The following SGCZ variants were observed in gnomAD, a reference collection of about 807,000 sequenced individuals.
The protein encoded by SGCZ is zeta-sarcoglycan.
In SGCZ, 40 loss-of-function variants were observed where a neutral mutation model predicts 41.3. The observed-to-expected ratio is 0.97, with a 90% confidence interval of 0.75 to 1.26. The LOEUF is 1.26. Among genes scored for constraint, SGCZ ranks in the 50% most tolerant of loss-of-function variants. SGCZ has a pLI of 0.00. For missense variants in SGCZ, 552 were observed against 369.8 expected (o/e 1.49, Z -4.04); for synonymous variants, 206 against 137.5 (o/e 1.50, Z -3.49).
chr8:14,262,366 G>C (rs13270554), intron 3 of SGCZ, among the ~76,000 whole-genome samples: 37,951 of 151,948 alleles, frequency 0.25, 6,062 homozygotes, highest in Non-Finnish European at 0.36. Context: ...CTGTGACAAT[G>C]TGAAGGCTTA....
chr8:15,129,707 C>CCAAA (rs568205903), intron 1 of SGCZ, among the ~76,000 whole-genome samples: 1 of 107,886 alleles, frequency 9.3e-6, no homozygotes, highest in Admixed American at 1.0e-4. Flanking sequence ...GAAGCATTTG[C>CCAAA]AAAAAAAAAA....
chr8:14,360,380 C>T (rs1021298330), intron 2 of SGCZ, among the ~76,000 whole-genome samples: 1 of 151,654 alleles, frequency 6.6e-6, no homozygotes, highest in African/African-American at 2.4e-5. Flanking sequence ...ATCACCCAGA[C>T]TGGAGCATGA....
At chr8:14,647,856 T>C (rs749323445) in intron 1 of SGCZ, among the ~76,000 whole-genome samples, 14 of 152,202 alleles carry the variant, frequency 9.2e-5, no homozygotes, top group South Asian at 4.1e-4. Flanking sequence ...GTTGAAGTTA[T>C]TGACAGCCTT....
At chr8:14,997,468 C>T (rs1277470119) in intron 1 of SGCZ, among the ~76,000 whole-genome samples, 1 of 152,028 alleles carries the variant, frequency 6.6e-6, no homozygotes, top group Non-Finnish European at 1.5e-5. Context: ...AAGATTAAAC[C>T]AAAAATGTAT....
chr8:14,203,965 GA>G (rs1805536656), intron 4 of SGCZ, among the ~76,000 whole-genome samples: 1 of 151,800 alleles, frequency 6.6e-6, no homozygotes, highest in Non-Finnish European at 1.5e-5. Context: ...AATTATCTAG[GA>G]AAGGAGTTGG....
intron 2 of SGCZ, among the ~76,000 whole-genome samples, chr8:14,333,502 C>G (rs980300286): frequency 1.3e-5 from 2 of 151,488 alleles, no homozygotes; most frequent in Non-Finnish European, 2.9e-5. Context: ...AATAGAATAC[C>G]AGAATTAATG....
intron 2 of SGCZ, among the ~76,000 whole-genome samples, chr8:14,497,773 T>G (rs146927043): frequency 2.6e-5 from 4 of 152,026 alleles, no homozygotes; most frequent in Non-Finnish European, 4.4e-5. Flanking sequence ...ACCACCAACA[T>G]TGGGGAACGC....
At chr8:15,129,867 T>G (rs1807837127) in intron 1 of SGCZ, among the ~76,000 whole-genome samples, 1 of 152,108 alleles carries the variant, frequency 6.6e-6, no homozygotes, top group African/African-American at 2.4e-5. Flanking sequence ...CTCTGTGTCC[T>G]CAGACAGTCA....
intron 2 of SGCZ, among the ~76,000 whole-genome samples, chr8:14,420,739 T>C (rs1799616538): frequency 6.6e-6 from 1 of 152,126 alleles, no homozygotes; most frequent in Non-Finnish European, 1.5e-5. Flanking sequence ...CCTCCCAGGT[T>C]CCTAGTTGAG....
chr8:14,502,344 A>C (rs1426321677), intron 2 of SGCZ, among the ~76,000 whole-genome samples: 1 of 152,196 alleles, frequency 6.6e-6, no homozygotes, highest in Admixed American at 6.6e-5. Flanking sequence ...TGTCTCAATC[A>C]GGCAATAAGT....
intron 1 of SGCZ, among the ~76,000 whole-genome samples, chr8:14,816,820 A>G (rs563542149): frequency 4.4e-4 from 67 of 152,390 alleles, no homozygotes; most frequent in African/African-American, 1.5e-3. Flanking sequence ...TAATTCAATT[A>G]CCAAAATGCA....
intron 2 of SGCZ, among the ~76,000 whole-genome samples, chr8:14,449,629 T>C (rs757474612): frequency 6.6e-6 from 1 of 152,162 alleles, no homozygotes; most frequent in Non-Finnish European, 1.5e-5. Context: ...AGCATCCTCA[T>C]AGGAAGCCTT....
chr8:14,240,254 G>A (rs1798821833), intron 3 of SGCZ, among the ~76,000 whole-genome samples: 1 of 148,784 alleles, frequency 6.7e-6, no homozygotes, highest in Admixed American at 6.8e-5. Flanking sequence ...CTTGAAGCTG[G>A]GAGGTGGAGG....
At chr8:14,392,709 G>T (rs1182030278) in intron 2 of SGCZ, among the ~76,000 whole-genome samples, 1 of 151,930 alleles carries the variant, frequency 6.6e-6, no homozygotes, top group Admixed American at 6.6e-5. Flanking sequence ...AATTATTTTT[G>T]GACTTAGCAA....
intron 4 of SGCZ, among the ~76,000 whole-genome samples, chr8:14,223,131 C>A (rs1180881228): frequency 6.6e-6 from 1 of 151,936 alleles, no homozygotes; most frequent in Non-Finnish European, 1.5e-5. Context: ...TTTTAAAGGA[C>A]ATCTTCATCT....
At chr8:14,577,843 T>A (rs1472484706) in intron 1 of SGCZ, among the ~76,000 whole-genome samples, 1 of 152,216 alleles carries the variant, frequency 6.6e-6, no homozygotes, top group East Asian at 1.9e-4. Flanking sequence ...ATTGATCATA[T>A]TTTTATACTT....
At chr8:15,081,532 T>A (rs1450586606) in intron 1 of SGCZ, among the ~76,000 whole-genome samples, 3 of 147,540 alleles carry the variant, frequency 2.0e-5, no homozygotes, top group African/African-American at 7.7e-5. Context: ...ATGAGAAAGA[T>A]AAAATAAAGA....
At chr8:14,873,869 T>C (rs1237527335) in intron 1 of SGCZ, among the ~76,000 whole-genome samples, 1 of 152,192 alleles carries the variant, frequency 6.6e-6, no homozygotes, top group Non-Finnish European at 1.5e-5. Context: ...TTTCTCTAAA[T>C]TATTTGGCAA....
intron 2 of SGCZ, among the ~76,000 whole-genome samples, chr8:14,412,718 C>A (rs560350598): frequency 6.6e-6 from 1 of 152,038 alleles, no homozygotes; most frequent in East Asian, 1.9e-4. Flanking sequence ...CTAATGTATT[C>A]AATATGCACA....
Sources: gnomAD v4.1 joint callset for allele counts (sites outside exome capture counted in the v4.1 genomes callset) on GRCh38, gnomAD v4.1.1 for gene constraint, MANE v1.5 for transcripts, NCBI Gene and HGNC (gene_info 2026-07-23, HGNC 2026-07-21) for gene names.